The following BORCS5 variants were observed in gnomAD, a reference collection of about 807,000 sequenced individuals.
The protein encoded by BORCS5 is BLOC-1 related complex subunit 5, also known as BLOC-1-related complex subunit 5.
A neutral mutation model predicts 22.1 loss-of-function variants in BORCS5; 17 were observed. The observed-to-expected ratio is 0.77, with a 90% CI of 0.53 to 1.15. The LOEUF (loss-of-function observed/expected upper bound fraction) is 1.15. BORCS5 is among the 50% of genes most tolerant of loss of function. The probability of loss-of-function intolerance (pLI) is 0.00; values close to 1 mark genes in which losing one functional copy is unlikely to be tolerated. For missense variants in BORCS5, 247 were observed against 253.2 expected (o/e 0.98, Z 0.17); for synonymous variants, 117 against 99.8 (o/e 1.17, Z -1.03).
At chr12:12,390,378 G>C (rs1478833619) in intron 2 of BORCS5, among the ~76,000 whole-genome samples, 1 of 152,072 alleles carries the variant, frequency 6.6e-6, no homozygotes, top group Non-Finnish European at 1.5e-5. Context: ...GATGAGGAAG[G>C]AGGTAATATA....
intron 2 of BORCS5, among the ~76,000 whole-genome samples, chr12:12,386,717 G>GA (rs1258927083): frequency 8.0e-5 from 12 of 150,642 alleles, no homozygotes; most frequent in Admixed American, 3.3e-4. Flanking sequence ...TGATCCACCT[G>GA]CCTCGGCCTC....
intron 3 of BORCS5, among the ~76,000 whole-genome samples, chr12:12,447,041 C>G (rs554639702): frequency 6.6e-6 from 1 of 152,244 alleles, no homozygotes; most frequent in Non-Finnish European, 1.5e-5. Context: ...ATCCCAAAGT[C>G]CCCCAGCCTC....
intron 3 of BORCS5, among the ~76,000 whole-genome samples, chr12:12,439,184 G>A (rs1422546661): frequency 6.6e-6 from 1 of 152,190 alleles, no homozygotes; most frequent in Non-Finnish European, 1.5e-5. Flanking sequence ...CTGATGTCTG[G>A]GTCTCACTCC....
rs145749996 is a variant in BORCS5 at position 12,398,327 on chromosome 12, G to T, written c.202+36978G>T. Among the ~76,000 whole-genome samples the T allele has an allele frequency of 2.0e-5, 3 of 152,212 alleles. No homozygotes were observed. The East Asian group carries it at 5.8e-4, about 29-fold the overall frequency. On this transcript the variant is annotated intron_variant, in intron 2 of 3. Coordinates refer to ENST00000314565, the MANE Select transcript of BORCS5 (RefSeq NM_058169.6). ...AATAGTACAACATGACTGGGAGGAG[G>T]GATTGTGGGCAAAGGGTAAAGAATT...
rs1032627541 is a variant in BORCS5 at position 12,468,917 on chromosome 12, T to A, written c.*3141T>A. The stretch of plus-strand genomic sequence containing the variant: ...GTTTTATAGACCACACATATATAGT[T>A]TCCTGTGTCTTAGATGATAACATCC... On this transcript the variant is annotated 3_prime_UTR_variant, in exon 4 of 4. Coordinates refer to ENST00000314565, the MANE Select transcript of BORCS5 (RefSeq NM_058169.6). The A allele has an allele frequency of 6.6e-6, 1 of 152,176 alleles. No individual in the cohort carries two copies. Among genetic ancestry groups the A allele is most frequent in the African/African-American group, 2.4e-5 (1 of 41,440 alleles). 9.4% of individuals were successfully genotyped at this position (152,176 alleles called of 1,614,324 possible).
rs193226237 is a variant in BORCS5, at chr12:12,457,189, C to G, written c.361-8357C>G. On this transcript the variant is annotated intron_variant, in intron 3 of 3. Coordinates refer to ENST00000314565, the MANE Select transcript of BORCS5 (RefSeq NM_058169.6). Reference sequence around the variant, plus strand: ...TATCTCATTTAATTCTCACGTCAACCCTATGACGTAGGCATTGTCAATTTC... The same window carrying G: ...TATCTCATTTAATTCTCACGTCAACGCTATGACGTAGGCATTGTCAATTTC... Among the ~76,000 whole-genome samples the G allele has an allele frequency of 3.9e-5, 6 of 152,244 alleles. No individual in the cohort carries two copies. The East Asian group carries it at 9.6e-4, about 24-fold the overall frequency.
chr12:12,440,492 A>G (rs1164121939), intron 3 of BORCS5, among the ~76,000 whole-genome samples: 25 of 152,118 alleles, frequency 1.6e-4, no homozygotes, highest in Admixed American at 1.6e-3. Flanking sequence ...CAGAACAGAA[A>G]TATGAAAAAG....
At chr12:12,384,275 C>T (rs1863834863) in intron 2 of BORCS5, among the ~76,000 whole-genome samples, 1 of 150,822 alleles carries the variant, frequency 6.6e-6, no homozygotes, top group Admixed American at 6.6e-5. Context: ...AGCCACCGTG[C>T]CTGGCCTGCT....
intron 2 of BORCS5, among the ~76,000 whole-genome samples, chr12:12,379,115 CTCTTTTTTTTTTT>C (rs1358482841): frequency 6.7e-6 from 1 of 149,198 alleles, no homozygotes; most frequent in Non-Finnish European, 1.5e-5. Flanking sequence ...TCTTTCTTTT[CTCTTTTTTTTTTT>C]TCTTTTTGGA....
intron 2 of BORCS5, among the ~76,000 whole-genome samples, chr12:12,410,928 G>A (rs1306701058): frequency 6.6e-6 from 1 of 152,130 alleles, no homozygotes; most frequent in Non-Finnish European, 1.5e-5. Context: ...ACTTCTCCTT[G>A]AAGAGGTCCT....
intron 2 of BORCS5, among the ~76,000 whole-genome samples, chr12:12,411,852 T>C: frequency 6.6e-6 from 1 of 152,236 alleles, no homozygotes; most frequent in East Asian, 1.9e-4. Context: ...TGCATGTGGA[T>C]AGCCAGCTTT....
chr12:12,445,281 A>G (rs570462669), intron 3 of BORCS5, among the ~76,000 whole-genome samples: 13 of 151,764 alleles, frequency 8.6e-5, no homozygotes, highest in Non-Finnish European at 1.8e-4. Flanking sequence ...GCCTCAAGCA[A>G]TCCTCCTACC....
At position 12,404,085 on chromosome 12, in the gene BORCS5, G is replaced by T. The variant is rs146654804; in HGVS notation, c.203-31543G>T. The stretch of plus-strand genomic sequence containing the variant: ...GCCCATATCTTCAAATATGGGTGAC[G>T]TAAATTTACTTCAGAAACAGAAATG... On this transcript the variant is annotated intron_variant, in intron 2 of 3. Transcript: ENST00000314565. 7.2e-5 allele frequency among the ~76,000 whole-genome samples: 11 copies of T among 152,264 alleles called. No homozygotes were observed. The East Asian group carries it at 2.1e-3, about 29-fold the overall frequency.
At chr12:12,416,019 T>C (rs180860395) in intron 2 of BORCS5, among the ~76,000 whole-genome samples, 1 of 152,328 alleles carries the variant, frequency 6.6e-6, no homozygotes, top group Admixed American at 6.5e-5. Context: ...TATAGGTCTA[T>C]TCAGAGTTTC....
At chr12:12,379,156 G>A (rs181075398) in intron 2 of BORCS5, among the ~76,000 whole-genome samples, 1 of 119,736 alleles carries the variant, frequency 8.4e-6, no homozygotes, top group African/African-American at 3.2e-5. Context: ...ATCTTGCTTT[G>A]TTGCCCAGGC....
intron 2 of BORCS5, among the ~76,000 whole-genome samples, chr12:12,368,015 C>T (rs1179759443): frequency 2.6e-5 from 4 of 152,234 alleles, no homozygotes; most frequent in African/African-American, 7.2e-5. Flanking sequence ...GCCAAACTTA[C>T]TGACTCCATG....
intron 2 of BORCS5, among the ~76,000 whole-genome samples, chr12:12,374,263 T>C (rs1048191196): frequency 3.3e-4 from 50 of 152,052 alleles, no homozygotes; most frequent in African/African-American, 1.2e-3. Flanking sequence ...AGTGCTGGGA[T>C]TGCAGGTGTG....
At chr12:12,366,586 G>T (rs993117613) in intron 2 of BORCS5, among the ~76,000 whole-genome samples, 4 of 152,146 alleles carry the variant, frequency 2.6e-5, no homozygotes, top group African/African-American at 9.7e-5. Flanking sequence ...GCTACAAATG[G>T]CTGTGACAGA....
At chr12:12,370,558 A>G (rs1863504146) in intron 2 of BORCS5, among the ~76,000 whole-genome samples, 1 of 151,986 alleles carries the variant, frequency 6.6e-6, no homozygotes, top group East Asian at 1.9e-4. Flanking sequence ...TTCCTTCTAC[A>G]TTTATTAGTT....
Sources: allele counts gnomAD v4.1 joint callset (sites outside exome capture counted in the v4.1 genomes callset), GRCh38; gene constraint gnomAD v4.1.1; transcripts MANE v1.5; gene names NCBI Gene and HGNC (gene_info 2026-07-23, HGNC 2026-07-21).